The following KIAA1217 variants were observed in gnomAD, a reference collection of about 807,000 sequenced individuals.
The protein encoded by KIAA1217 is sickle tail protein homolog.
A neutral mutation model predicts 163.9 loss-of-function variants in KIAA1217; 88 were observed. That is an observed-to-expected ratio of 0.54 (90% CI 0.45 to 0.64). KIAA1217 has a LOEUF of 0.64. Among genes scored for constraint, KIAA1217 ranks in the 30% least tolerant of loss-of-function variants. The probability of loss-of-function intolerance (pLI) is 0.00; values close to 1 mark genes in which losing one functional copy is unlikely to be tolerated. For synonymous variants in KIAA1217, 903 were observed against 923.1 expected (o/e 0.98, Z 0.39); for missense variants, 2,372 against 2,475.0 (o/e 0.96, Z 0.88).
intron 2 of KIAA1217, among the ~76,000 whole-genome samples, chr10:24,288,255 A>C (rs755841961): frequency 9.2e-5 from 14 of 152,172 alleles, no homozygotes; most frequent in Non-Finnish European, 2.1e-4. Context: ...TTTCATTTGA[A>C]AATGTCAAAG....
chr10:24,078,975 G>A (rs897270008), intron 2 of KIAA1217, among the ~76,000 whole-genome samples: 3 of 152,154 alleles, frequency 2.0e-5, no homozygotes, highest in Non-Finnish European at 4.4e-5. Flanking sequence ...TCTGATTTCC[G>A]TTTAAGGTTT....
At chr10:24,272,220 C>G (rs1408704052) in intron 2 of KIAA1217, among the ~76,000 whole-genome samples, 1 of 152,200 alleles carries the variant, frequency 6.6e-6, no homozygotes, top group Non-Finnish European at 1.5e-5. Flanking sequence ...AGTCACTACT[C>G]AGTTAGGGAT....
At chr10:24,004,597 T>A (rs191089812) in intron 1 of KIAA1217, among the ~76,000 whole-genome samples, 9 of 152,360 alleles carry the variant, frequency 5.9e-5, no homozygotes, top group Non-Finnish European at 5.9e-5. Context: ...AATGGATTAT[T>A]ATTGCTAATT....
At chr10:24,452,441 A>G (rs1265242150) in intron 5 of KIAA1217, among the ~76,000 whole-genome samples, 1 of 151,700 alleles carries the variant, frequency 6.6e-6, no homozygotes, top group Admixed American at 6.6e-5. Context: ...TGGGAGGCCG[A>G]GGCGGGCGGA....
chr10:24,396,247 G>A (rs1033881113), intron 3 of KIAA1217, among the ~76,000 whole-genome samples: 3 of 152,114 alleles, frequency 2.0e-5, no homozygotes, highest in Non-Finnish European at 4.4e-5. Context: ...TGTGGCAGGA[G>A]AATCACTTGA....
At chr10:23,706,191 G>A (rs1301428687) in intron 1 of KIAA1217, among the ~76,000 whole-genome samples, 2 of 152,124 alleles carry the variant, frequency 1.3e-5, no homozygotes. Context: ...GCATGATCAT[G>A]TCATCTGTGA....
chr10:24,228,120 C>CA (rs1564303634), intron 2 of KIAA1217, among the ~76,000 whole-genome samples: 1 of 151,838 alleles, frequency 6.6e-6, no homozygotes, highest in Non-Finnish European at 1.5e-5. Context: ...ACAAAAAATA[C>CA]AAAAATTAGA....
chr10:23,987,304 G>A (rs1846015457), intron 1 of KIAA1217, among the ~76,000 whole-genome samples: 1 of 149,116 alleles, frequency 6.7e-6, no homozygotes, highest in Admixed American at 6.7e-5. Flanking sequence ...GTGAACCCGG[G>A]AGGCGGAGCT....
In KIAA1217 at chr10:24,433,060, G is replaced by A. The variant is rs1377339745; in HGVS notation, c.619G>A (p.Ala207Thr). 1.2e-6 allele frequency: 2 copies of A among 1,614,012 alleles called. No homozygotes were observed. Among genetic ancestry groups the A allele is most frequent in the Admixed American group, 3.3e-5 (2 of 60,006 alleles). The change falls in exon 4 of 21, where the codon GCA becomes ACA. Residue 207 changes from alanine (A) to threonine (T), a missense_variant. Ala to Thr is a moderately conservative substitution (Grantham distance 58). Around this residue, in one of 3 missense-constraint regions of KIAA1217, gnomAD observed 1,431 missense variants for 1,470.3 expected, o/e 0.97. Transcript: ENST00000376454. ...CAGGATGCCGAATGAAATCACAAGT[G>A]CAGACACAATCCGTGCTCTCTTCGT... ...QLRMPNEITS[A>T]DTIRALFVSA... is the part of the protein sequence containing the mutation.
rs55881849 is a variant in KIAA1217 at position 24,360,040 on chromosome 10, C to CATTTTTTTTTTTTTTTTTTTTTTTTTTTT, written c.355-20829_355-20828insATTTTTTTTTTTTTTTTTTTTTTTTTTTT. On this transcript the variant is annotated intron_variant, in intron 2 of 20. Transcript: ENST00000376454. Reference sequence around the variant, plus strand: ...ACTGTGTATCTTTAGGATATAATTACTTTTTTTTTTTTTTTTTTTTTTTTG... The same window carrying CATTTTTTTTTTTTTTTTTTTTTTTTTTTT: ...ACTGTGTATCTTTAGGATATAATTACATTTTTTTTTTTTTTTTTTTTTTTTTTTTTTTTTTTTTTTTTTTTTTTTTTTTG... Among the ~76,000 whole-genome samples, 3 of 94,282 alleles carry CATTTTTTTTTTTTTTTTTTTTTTTTTTTT rather than the reference C, an allele frequency of 3.2e-5. 1 individual carries two copies. The highest frequency in any genetic ancestry group is 3.8e-5 in the Non-Finnish European group (2 of 52,272). The allele number at this position is 94,282 out of a possible 152,430, so 61.9% of individuals were successfully genotyped here. A position where few individuals can be genotyped will look rare whatever the true frequency, so the allele number is the denominator to read the frequency against.
chr10:24,519,927 G>T (rs1048738069), intron 10 of KIAA1217, among the ~76,000 whole-genome samples, 196 bp from the exon 11 acceptor site: 1 of 152,072 alleles, frequency 6.6e-6, no homozygotes, highest in African/African-American at 2.4e-5. Flanking sequence ...CCTTGTACCT[G>T]CCTCACACCA....
intron 8 of KIAA1217, among the ~76,000 whole-genome samples, chr10:24,499,768 C>T (rs1012246421): frequency 5.3e-5 from 8 of 152,010 alleles, no homozygotes; most frequent in African/African-American, 1.9e-4. Context: ...ACAAAAAGCT[C>T]GCTATCGGGT....
intron 1 of KIAA1217, among the ~76,000 whole-genome samples, chr10:23,887,961 T>C (rs1032791986): frequency 3.3e-5 from 5 of 152,012 alleles, no homozygotes; most frequent in African/African-American, 7.2e-5. Context: ...TGATTTTGTG[T>C]AAATCTCATA....
chr10:24,533,859 C>T (rs1225582497), intron 16 of KIAA1217, among the ~76,000 whole-genome samples: 2 of 152,194 alleles, frequency 1.3e-5, no homozygotes, highest in Non-Finnish European at 2.9e-5. Flanking sequence ...TGAAGGATGG[C>T]GTGCCAAGGC....
chr10:23,840,589 A>G (rs1838723064), intron 1 of KIAA1217, among the ~76,000 whole-genome samples: 1 of 152,230 alleles, frequency 6.6e-6, no homozygotes, highest in Admixed American at 6.5e-5. Flanking sequence ...ATGTGGTTTA[A>G]TGAAGAATTA....
intron 6 of KIAA1217, among the ~76,000 whole-genome samples, chr10:24,484,177 AGATATACATATATATT>A (rs1276885737): frequency 2.1e-5 from 3 of 145,854 alleles, no homozygotes; most frequent in African/African-American, 5.0e-5. Flanking sequence ...ATATATATAT[AGATATACATATATATT>A]GATATACATA....
chr10:24,105,614 G>T (rs943069787), intron 2 of KIAA1217, among the ~76,000 whole-genome samples: 5 of 152,218 alleles, frequency 3.3e-5, no homozygotes, highest in African/African-American at 1.2e-4. Flanking sequence ...AGGGGCTGCA[G>T]TTCTGCTGTC....
At chr10:24,211,541 TATTGTATTG>T (rs1564835994) in intron 1 of KIAA1217, among the ~76,000 whole-genome samples, 11,008 of 97,104 alleles carry the variant, frequency 0.11, 707 homozygotes, top group African/African-American at 0.12. Flanking sequence ...GGTTGTATTG[TATTGTATTG>T]TATTGTATTG....
chr10:24,490,032 G>C (rs79159091), intron 6 of KIAA1217, among the ~76,000 whole-genome samples: 1,971 of 152,258 alleles, frequency 0.013, 45 homozygotes, highest in African/African-American at 0.046. Context: ...TTGCAGGAAA[G>C]TTGTTTAGAG....
Sources: allele counts gnomAD v4.1 joint callset (sites outside exome capture counted in the v4.1 genomes callset), GRCh38; gene constraint gnomAD v4.1.1; regional missense constraint gnomAD v4.1.1; transcripts MANE v1.5; gene names NCBI Gene and HGNC (gene_info 2026-07-23, HGNC 2026-07-21).